RNF213: variants seen among roughly 807,000 people sequenced by gnomAD.
RNF213 encodes ring finger protein 213.
A neutral mutation model predicts 514.4 loss-of-function variants in RNF213; 341 were observed. That is an observed-to-expected ratio of 0.66 (90% CI 0.61 to 0.73). RNF213 has a LOEUF of 0.73. RNF213 is among the 30% of genes least tolerant of loss of function. The pLI, the probability that RNF213 is intolerant of heterozygous loss-of-function variation, is 0.00. For synonymous variants in RNF213, 2,655 were observed against 2,658.2 expected, an observed-to-expected ratio of 1.00 and a Z score of 0.04; for missense variants, 5,767 against 6,615.6, an observed-to-expected ratio of 0.87 and a Z score of 4.45.
Position 80,386,337 on chromosome 17 carries a change from T to C in RNF213, c.14627T>C (p.Leu4876Pro). The change falls in exon 62 of 68, where the codon CTG becomes CCG. Residue 4876 changes from leucine (L) to proline (P), a missense_variant. Transcript: ENST00000582970. ...ATCCTCTTGCCACGCCGACGGGGCC[T>C]GGGCCTCTGTGCTACCGCTCTCGTC... ...FEILLPRRRG[L>P]GLCATALVSY... The C allele has an allele frequency of 6.2e-7, 1 of 1,614,062 alleles. No individual in the cohort carries two copies. Among genetic ancestry groups the C allele is most frequent in the East Asian group, 2.2e-5 (1 of 44,880 alleles).
chr17:80,365,343 A>G (rs747798482), intron 42 of RNF213: 2 of 152,542 alleles, frequency 1.3e-5, no homozygotes, highest in African/African-American at 2.4e-5. Context: ...TAGACACAGT[A>G]TCAGCTGATT....
At chr17:80,379,995 C>T (rs1303868063) in intron 55 of RNF213, among the ~76,000 whole-genome samples, 1 of 152,146 alleles carries the variant, frequency 6.6e-6, no homozygotes, top group Non-Finnish European at 1.5e-5. Flanking sequence ...GGTGCACCTT[C>T]TGTAGAAATA....
chr17:80,361,841 G>T lies in RNF213; in HGVS notation c.11308G>T (p.Asp3770Tyr), dbSNP rs1340286947. The change falls in exon 39 of 68, where the codon GAT becomes TAT. Residue 3770 changes from aspartate to tyrosine, a missense_variant. This residue lies in a region of RNF213 where 355 missense variants were observed against 358.0 expected (regional missense o/e 0.99). Transcript: ENST00000582970. ...QQELLQCYLKDFILLTMRVST... is the reference protein window; with the variant it reads ...QQELLQCYLKYFILLTMRVST... ...GGAACTTCTTCAGTGTTACTTGAAG[G>T]ATTTCATTCTCTTGACCATGCGTGT... 6.2e-7 allele frequency: 1 copy of T among 1,613,924 alleles called. No homozygotes were observed. Among genetic ancestry groups the T allele is most frequent in the South Asian group, 1.1e-5 (1 of 91,050 alleles).
Position 80,312,995 on chromosome 17 carries a change from C to T in RNF213, c.2656-17C>T, listed in dbSNP as rs1325541742. The T allele has an allele frequency of 6.2e-7, 1 of 1,613,646 alleles. No individual in the cohort carries two copies. The highest frequency in any genetic ancestry group is 8.5e-7 in the Non-Finnish European group (1 of 1,180,002). On this transcript the variant is annotated splice_polypyrimidine_tract_variant and intron_variant, in intron 14 of 67. Transcript: ENST00000582970. ...CACAGCCGAGGATGACTGACCCTCCCTCTTGTGTGACAACAGGATTCTGCA... is the reference window on the plus strand; with the variant it reads ...CACAGCCGAGGATGACTGACCCTCCTTCTTGTGTGACAACAGGATTCTGCA...
chr17:80,269,621 A>G (rs1190630456), intron 2 of RNF213, among the ~76,000 whole-genome samples: 2 of 151,898 alleles, frequency 1.3e-5, no homozygotes, highest in Non-Finnish European at 2.9e-5. Flanking sequence ...TCATCTGTCT[A>G]TCCATTCATC....
Position 80,328,410 on chromosome 17 carries a change from A to C in RNF213, c.3450A>C (p.Leu1150=). 6.5e-7 allele frequency: 1 copy of C among 1,537,222 alleles called. No individual in the cohort carries two copies. Among genetic ancestry groups the C allele is most frequent in the Non-Finnish European group, 8.7e-7 (1 of 1,146,876 alleles). ...LDWRREELLL[L]KKEKRCVDSL... is the part of the protein sequence containing the mutation. ...GGAGAAGGGAGGAACTGTTACTTCT[A>C]AAGAAAGAGAAAAGATGTGTTGATA... Residue 1150 remains leucine, a synonymous_variant, in exon 20 of 68, where the codon CTA becomes CTC. Transcript: ENST00000582970.
chr17:80,389,942 C>A (rs1239406801), intron 66 of RNF213, 25 bp downstream of exon 66: 2 of 1,613,006 alleles, frequency 1.2e-6, no homozygotes, highest in South Asian at 1.1e-5. Flanking sequence ...TTCCTCTCTG[C>A]TGGACAGAGG....
Position 80,369,600 on chromosome 17 carries a change from AGAAG to A in RNF213, c.12259_12262del (p.Glu4087Ter). 1 of 1,614,236 alleles carries A rather than the reference AGAAG, an allele frequency of 6.2e-7. No individual in the cohort carries two copies. Among genetic ancestry groups the A allele is most frequent in the East Asian group, 2.2e-5 (1 of 44,888 alleles). On this transcript the variant is annotated frameshift_variant, in exon 45 of 68. Transcript: ENST00000582970. LOFTEE classifies it high-confidence loss of function. The stretch of plus-strand genomic sequence containing the variant: ...TGCTTCAAGGACAACGCTCCGCCTG[AGAAG>A]GAAGTGATTGAGAGCCTGCTCTCTC...
intron 17 of RNF213, chr17:80,320,139 C>A: frequency 1.0e-5 from 5 of 500,666 alleles, no homozygotes; most frequent in Non-Finnish European, 1.3e-5. Context: ...GCATTTTCAT[C>A]ACTTCAAAGA....
At chr17:80,297,742 G>T (rs1233954661) in intron 10 of RNF213, among the ~76,000 whole-genome samples, 1 of 148,820 alleles carries the variant, frequency 6.7e-6, no homozygotes, top group Non-Finnish European at 1.5e-5. Flanking sequence ...AGCCAAGATC[G>T]TGCCACTGCG....
At position 80,345,605 on chromosome 17, in the gene RNF213, T is replaced by C. The variant is rs761603021; in HGVS notation, c.7270T>C (p.Cys2424Arg). The C allele has an allele frequency of 4.3e-6, 7 of 1,613,904 alleles. No homozygotes were observed. Among genetic ancestry groups the C allele is most frequent in the Non-Finnish European group, 5.9e-6 (7 of 1,179,908 alleles). The change falls in exon 29 of 68, where the codon TGT becomes CGT. Residue 2424 changes from cysteine (C) to arginine (R), a missense_variant. This residue lies in a region of RNF213 where 1,377 missense variants were observed against 1,635.2 expected (regional missense o/e 0.84). Coordinates refer to ENST00000582970, the MANE Select transcript of RNF213 (RefSeq NM_001256071.3). This position sits in a 1 kb window ranked among gnomAD's most constrained non-coding sequence, Gnocchi z 6.0. The part of the protein sequence containing the change: ...IPVIIMGETG[C>R]GKTRLIKFLS... ...GGTTATCATCATGGGAGAAACTGGCTGTGGGAAAACCAGGCTTATTAAATT... is the reference window on the plus strand; with the variant it reads ...GGTTATCATCATGGGAGAAACTGGCCGTGGGAAAACCAGGCTTATTAAATT...
intron 63 of RNF213, 169 bp from the exon 64 acceptor site, chr17:80,388,443 A>G (rs1057481704): frequency 4.5e-6 from 3 of 660,212 alleles, no homozygotes; most frequent in Non-Finnish European, 8.2e-6. Context: ...TTGTGTTACT[A>G]TTTCCATAGA....
intron 3 of RNF213, among the ~76,000 whole-genome samples, chr17:80,286,009 G>T (rs1050979335): frequency 6.6e-5 from 10 of 151,866 alleles, no homozygotes; most frequent in African/African-American, 2.4e-4. Context: ...GTCTCACTCT[G>T]TCGCCCAGGC....
chr17:80,372,017 T>C (rs1568149372), intron 47 of RNF213, 32 bp downstream of exon 47: 2 of 1,139,368 alleles, frequency 1.8e-6, no homozygotes, highest in Non-Finnish European at 2.7e-6. Context: ...TGAATTTCTT[T>C]TGGAAACTAT....
chr17:80,385,725 GTGTT>G (rs550804883), intron 61 of RNF213, 104 bp downstream of exon 61: 100 of 969,270 alleles, frequency 1.0e-4, no homozygotes, highest in African/African-American at 9.3e-4. Flanking sequence ...ACCCAGCACT[GTGTT>G]TGTTTGTTTT....
chr17:80,363,024 T>C (rs1165052601), intron 39 of RNF213, 78 bp from the exon 40 acceptor site: 3 of 1,314,360 alleles, frequency 2.3e-6, no homozygotes, highest in Non-Finnish European at 3.2e-6. Context: ...GGTTTTCCAA[T>C]AGTTCGGATT....
At position 80,346,051 on chromosome 17, in the gene RNF213, C is replaced by G; in HGVS notation, c.7716C>G (p.Pro2572=). The G allele has an allele frequency of 6.2e-7, 1 of 1,614,160 alleles. No individual in the cohort carries two copies. Among genetic ancestry groups the G allele is most frequent in the Admixed American group, 1.7e-5 (1 of 60,012 alleles). The change falls in exon 29 of 68, where the codon CCC becomes CCG. Residue 2572 remains proline (P), a synonymous_variant. Coordinates refer to ENST00000582970, the MANE Select transcript of RNF213 (RefSeq NM_001256071.3). The surrounding 1 kb of genome is among the most constrained non-coding windows in gnomAD (Gnocchi z 8.1). Reference sequence around the variant, plus strand: ...TGGTATACCGGGTCCATGCTCTGCCCCCGAGCCTGATTCCTCTGGTGTGGG... The same window carrying G: ...TGGTATACCGGGTCCATGCTCTGCCGCCGAGCCTGATTCCTCTGGTGTGGG... The part of the protein sequence containing the change: ...RQLVYRVHAL[P]PSLIPLVWDF...
Position 80,317,114 on chromosome 17 carries a change from C to G in RNF213, c.2812-74C>G. ...TCTCTGTATTGCCGTAATGCTCTGT[C>G]TTTCTCCTTTCATGGGAGTGTGCCG... On this transcript the variant is annotated intron_variant, in intron 15 of 67. Transcript: ENST00000582970. The surrounding 1 kb of genome is among the most constrained non-coding windows in gnomAD (Gnocchi z 4.1). The G allele has an allele frequency of 3.3e-6, 5 of 1,496,716 alleles. No individual in the cohort carries two copies. The Admixed American group carries it at 9.6e-5, about 29-fold the overall frequency. The allele number at this position is 1,496,716 out of a possible 1,614,324, so 92.7% of individuals were successfully genotyped here.
chr17:80,292,270 G>C (rs1383776611), intron 8 of RNF213, among the ~76,000 whole-genome samples: 1 of 152,130 alleles, frequency 6.6e-6, no homozygotes, highest in East Asian at 1.9e-4. Flanking sequence ...TTTTTAGAGA[G>C]ACAGGGTTTC....
Sources: allele counts gnomAD v4.1 joint callset (sites outside exome capture counted in the v4.1 genomes callset), GRCh38; gene constraint gnomAD v4.1.1; regional missense constraint gnomAD v4.1.1; non-coding constraint Gnocchi (gnomAD v3.1); transcripts MANE v1.5; gene names NCBI Gene and HGNC (gene_info 2026-07-23, HGNC 2026-07-21).